Variants in RBFOX3 observed in about 807,000 individuals in gnomAD.
RBFOX3 encodes RNA binding protein fox-1 homolog 3.
In RBFOX3, 17 loss-of-function variants were observed where a neutral mutation model predicts 48.7. The observed-to-expected ratio is 0.35, with a 90% CI of 0.24 to 0.52. The LOEUF (loss-of-function observed/expected upper bound fraction) is 0.52. RBFOX3 is among the 20% of genes least tolerant of loss of function. The pLI is 0.94. For missense variants in RBFOX3, 382 were observed against 497.5 expected, an observed-to-expected ratio of 0.77 and a Z score of 2.21; for synonymous variants, 212 against 209.5, an observed-to-expected ratio of 1.01 and a Z score of -0.10.
intron 2 of RBFOX3, among the ~76,000 whole-genome samples, chr17:79,339,485 C>A (rs534889364): frequency 7.2e-4 from 110 of 152,322 alleles, no homozygotes; most frequent in African/African-American, 2.5e-3. Flanking sequence ...GACAGATTCT[C>A]ACTGGAGCTG....
chr17:79,238,902 A>T (rs1031818675), intron 3 of RBFOX3, among the ~76,000 whole-genome samples: 3 of 152,142 alleles, frequency 2.0e-5, no homozygotes, highest in Non-Finnish European at 4.4e-5. Flanking sequence ...GTCGAGCCTG[A>T]TGCCTCAACC....
intron 2 of RBFOX3, among the ~76,000 whole-genome samples, chr17:79,326,739 C>G (rs1292996623): frequency 6.6e-6 from 1 of 152,174 alleles, no homozygotes; most frequent in Non-Finnish European, 1.5e-5. Context: ...AGACCTCCCA[C>G]CCTCTAATGT....
chr17:79,150,067 T>TGGGGGGGGGGGGG (rs1171838604), intron 4 of RBFOX3, among the ~76,000 whole-genome samples: 9 of 4,138 alleles, frequency 2.2e-3, no homozygotes, highest in South Asian at 0.013. Flanking sequence ...GGGTTGAGGG[T>TGGGGGGGGGGGGG]GGGGGTTTGG....
chr17:79,452,187 G>C (rs9674565), intron 2 of RBFOX3, among the ~76,000 whole-genome samples: 56,014 of 152,030 alleles, frequency 0.37, 10,801 homozygotes, highest in African/African-American at 0.42. Flanking sequence ...AGGAACATGG[G>C]ATGTTTGAGG....
intron 3 of RBFOX3, among the ~76,000 whole-genome samples, chr17:79,248,977 GC>G (rs2063548331): frequency 6.6e-6 from 1 of 152,222 alleles, no homozygotes; most frequent in Non-Finnish European, 1.5e-5. Context: ...CACTCGCCAA[GC>G]CCCCATTCTG....
In RBFOX3 at chr17:79,496,241, C is replaced by T. The variant is rs535085498; in HGVS notation, c.-319-13643G>A. Among the ~76,000 whole-genome samples the T allele has an allele frequency of 6.5e-3, 983 of 152,102 alleles. 3 individuals are homozygous for T. The highest frequency in any genetic ancestry group is 0.01 in the Non-Finnish European group (701 of 67,984). On this transcript the variant is annotated intron_variant, in intron 1 of 14. Coordinates refer to ENST00000693108, the MANE Select transcript of RBFOX3 (RefSeq NM_001350451.2). ...TAAAAGCCGGTGGGCCTGGATGGGACTCATTCCTTGGCGTCCTGTTACAGC... is the reference window on the plus strand; with the variant it reads ...TAAAAGCCGGTGGGCCTGGATGGGATTCATTCCTTGGCGTCCTGTTACAGC...
rs547637650 is a variant in RBFOX3 at position 79,146,130 on chromosome 17, T to C, written c.-33-30382A>G. Among the ~76,000 whole-genome samples the C allele has an allele frequency of 3.4e-4, 51 of 152,236 alleles. 1 individual carries two copies. Among genetic ancestry groups the C allele is most frequent in the African/African-American group, 1.1e-3 (45 of 41,520 alleles). ...GGCAGCGATGAAGAGCGGATATGAATACAGACGAAGCTTCACTCCTCTGCC... is the reference window on the plus strand; with the variant it reads ...GGCAGCGATGAAGAGCGGATATGAACACAGACGAAGCTTCACTCCTCTGCC... On this transcript the variant is annotated intron_variant, in intron 4 of 14. Transcript: ENST00000693108.
intron 4 of RBFOX3, among the ~76,000 whole-genome samples, chr17:79,216,247 C>T (rs1201317171): frequency 6.6e-6 from 1 of 152,238 alleles, no homozygotes; most frequent in Non-Finnish European, 1.5e-5. Flanking sequence ...AGCTGAGACG[C>T]CATCTGTGAG....
intron 1 of RBFOX3, among the ~76,000 whole-genome samples, chr17:79,534,607 A>C (rs1404067342): frequency 3.9e-5 from 6 of 152,208 alleles, no homozygotes; most frequent in African/African-American, 1.4e-4. Flanking sequence ...CTGGTCCCTG[A>C]AGCTTGGTAG....
chr17:79,093,633 C>G (rs1310025493), intron 14 of RBFOX3, among the ~76,000 whole-genome samples: 1 of 152,132 alleles, frequency 6.6e-6, no homozygotes, highest in Non-Finnish European at 1.5e-5. Context: ...CCTCCCTCCT[C>G]ACTCTCCCAA....
intron 14 of RBFOX3, among the ~76,000 whole-genome samples, chr17:79,093,791 C>CCACACACACACACACACA (rs60453390): frequency 1.7e-4 from 25 of 143,822 alleles, no homozygotes; most frequent in Non-Finnish European, 3.2e-4. Context: ...CAACAGCTGG[C>CCACACACACACACACACA]CACACACACA....
intron 2 of RBFOX3, among the ~76,000 whole-genome samples, chr17:79,415,895 C>T (rs2065273285): frequency 6.6e-6 from 1 of 152,102 alleles, no homozygotes; most frequent in East Asian, 1.9e-4. Context: ...CCAGGGGAGC[C>T]CACACACTGG....
intron 2 of RBFOX3, among the ~76,000 whole-genome samples, chr17:79,445,198 G>C (rs182534403): frequency 1.3e-5 from 2 of 152,186 alleles, no homozygotes; most frequent in Non-Finnish European, 1.5e-5. Context: ...TGTGAATGGC[G>C]CTGCTGGGAA....
rs1235775889 is a variant in RBFOX3 at position 79,471,901 on chromosome 17, T to C, written c.-175+10553A>G. Among the ~76,000 whole-genome samples, 1 of 152,148 alleles carries C rather than the reference T, an allele frequency of 6.6e-6. No homozygotes were observed. Among genetic ancestry groups the C allele is most frequent in the East Asian group, 1.9e-4 (1 of 5,192 alleles). On this transcript the variant is annotated intron_variant, in intron 2 of 14. Transcript: ENST00000693108. The surrounding 1 kb of genome is among the most constrained non-coding windows in gnomAD (Gnocchi z 4.0). ...GCGACTAAATCTCCACCAAGCACATTATATCAAATACGCCTCAGGAAAACC... is the reference window on the plus strand; with the variant it reads ...GCGACTAAATCTCCACCAAGCACATCATATCAAATACGCCTCAGGAAAACC...
rs1180215856 is a variant in RBFOX3, at chr17:79,477,453, G to A, written c.-175+5001C>T. 4.6e-5 allele frequency among the ~76,000 whole-genome samples: 7 copies of A among 150,894 alleles called. No individual in the cohort carries two copies. The highest frequency in any genetic ancestry group is 1.2e-4 in the African/African-American group (5 of 41,136). On this transcript the variant is annotated intron_variant, in intron 2 of 14. Coordinates refer to ENST00000693108, the MANE Select transcript of RBFOX3 (RefSeq NM_001350451.2). The surrounding 1 kb of genome is among the most constrained non-coding windows in gnomAD (Gnocchi z 4.8). ...CGCCTGTAGTCCCAGCTACTTGGGA[G>A]GCTGAGGCAGGAGAATGGCGTGAAC...
chr17:79,252,996 G>C lies in RBFOX3; in HGVS notation c.-73-17191C>G, dbSNP rs1432867515. Among the ~76,000 whole-genome samples, 1 of 152,112 alleles carries C rather than the reference G, an allele frequency of 6.6e-6. No individual in the cohort carries two copies. Among genetic ancestry groups the C allele is most frequent in the Non-Finnish European group, 1.5e-5 (1 of 68,038 alleles). ...TCAAGTCCCTCTCTGAGCAGCCTCT[G>C]CTTCCCAGATGGAGCCTCTGGCCCT... On this transcript the variant is annotated intron_variant, in intron 3 of 14. Coordinates refer to ENST00000693108, the MANE Select transcript of RBFOX3 (RefSeq NM_001350451.2). The surrounding 1 kb of genome is among the most constrained non-coding windows in gnomAD (Gnocchi z 4.0).
rs542980922 is a variant in RBFOX3 at position 79,443,673 on chromosome 17, G to A, written c.-175+38781C>T. Among the ~76,000 whole-genome samples, 9 of 152,270 alleles carry A rather than the reference G, an allele frequency of 5.9e-5. No individual in the cohort carries two copies. In the East Asian group the frequency reaches 7.7e-4, roughly 13 times the overall value. On this transcript the variant is annotated intron_variant, in intron 2 of 14. Coordinates refer to ENST00000693108, the MANE Select transcript of RBFOX3 (RefSeq NM_001350451.2). The surrounding 1 kb of genome is among the most constrained non-coding windows in gnomAD (Gnocchi z 4.4). ...GCTGGGATTACAGGCATGAGCCACC[G>A]CACCCTCTTGTTCACTGTCTCACAT...
chr17:79,455,391 A>C (rs2149198848), intron 2 of RBFOX3, among the ~76,000 whole-genome samples: 1 of 152,282 alleles, frequency 6.6e-6, no homozygotes, highest in South Asian at 2.1e-4. Flanking sequence ...AGGGTCATCC[A>C]GGAGGGTCAG....
At chr17:79,496,638 G>C (rs1264127014) in intron 1 of RBFOX3, among the ~76,000 whole-genome samples, 1 of 152,170 alleles carries the variant, frequency 6.6e-6, no homozygotes, top group Non-Finnish European at 1.5e-5. Context: ...GGCAAACAGG[G>C]ACAGACAGCA....
Sources: gnomAD v4.1 joint callset for allele counts (sites outside exome capture counted in the v4.1 genomes callset) on GRCh38, gnomAD v4.1.1 for gene constraint, Gnocchi (gnomAD v3.1) non-coding constraint, MANE v1.5 for transcripts, NCBI Gene and HGNC (gene_info 2026-07-23, HGNC 2026-07-21) for gene names.